SGK3: variants seen among roughly 807,000 people sequenced by gnomAD.
SGK3 encodes serine/threonine-protein kinase Sgk3.
Under a neutral mutation model 68.5 loss-of-function variants are expected in SGK3, and 47 were observed. That is an observed-to-expected ratio of 0.69 (90% CI 0.54 to 0.87). The LOEUF (loss-of-function observed/expected upper bound fraction) is 0.87, where lower values mean the gene tolerates loss of function less well. Among genes scored for constraint, SGK3 ranks in the 40% least tolerant of loss-of-function variants. The pLI is 0.00. For synonymous variants in SGK3, 181 were observed against 189.1 expected, an observed-to-expected ratio of 0.96 and a Z score of 0.35; for missense variants, 479 against 575.5, an observed-to-expected ratio of 0.83 and a Z score of 1.72.
chr8:66,821,304 T>C (rs1338156681), intron 5 of SGK3, among the ~76,000 whole-genome samples: 2 of 152,092 alleles, frequency 1.3e-5, no homozygotes, highest in Non-Finnish European at 2.9e-5. Flanking sequence ...ACTGATGCTT[T>C]ATGTCTATGA....
chr8:66,860,820 A>G lies in SGK3; in HGVS notation c.*1239A>G, dbSNP rs1240509550. On this transcript the variant is annotated 3_prime_UTR_variant, in exon 17 of 17. Transcript: ENST00000521198. ...TTGAGCTTTCTAGAATATTTGCCTAATTGGGAATTAAAAAGTAAAATAATA... is the reference window on the plus strand; with the variant it reads ...TTGAGCTTTCTAGAATATTTGCCTAGTTGGGAATTAAAAAGTAAAATAATA... 1.3e-5 allele frequency: 2 copies of G among 152,198 alleles called. No individual in the cohort carries two copies. Among genetic ancestry groups the G allele is most frequent in the Non-Finnish European group, 2.9e-5 (2 of 68,040 alleles). The allele number at this position is 152,198 out of a possible 1,614,324, so 9.4% of individuals were successfully genotyped here. A position where few individuals can be genotyped will look rare whatever the true frequency, so the allele number is the denominator to read the frequency against.
intron 16 of SGK3, 86 bp downstream of exon 16, chr8:66,851,006 C>T: frequency 3.6e-6 from 5 of 1,382,454 alleles, no homozygotes; most frequent in Non-Finnish European, 4.9e-6. Flanking sequence ...CTCAGAATCA[C>T]CTGAATTAAA....
chr8:66,793,978 A>C (rs1414882261), intron 2 of SGK3, 146 bp downstream of exon 2: 2 of 843,654 alleles, frequency 2.4e-6, no homozygotes, highest in East Asian at 5.8e-5. Context: ...GTTCTCCACA[A>C]AGTCTTCTGT....
chr8:66,830,892 A>G (rs1331610590), intron 7 of SGK3, among the ~76,000 whole-genome samples: 8 of 152,194 alleles, frequency 5.3e-5, no homozygotes, highest in Non-Finnish European at 1.0e-4. Flanking sequence ...AATTTCCTCA[A>G]CAACATTGGA....
intron 8 of SGK3, 75 bp from the exon 9 acceptor site, chr8:66,835,688 A>C (rs1463372231): frequency 1.4e-6 from 2 of 1,452,184 alleles, no homozygotes; most frequent in Non-Finnish European, 9.3e-7. Context: ...AGAAGTATTG[A>C]TGTGTTGACA....
At chr8:66,759,222 A>AACAGAGTGAGACTCTCT (rs1806080787) in intron 1 of SGK3, among the ~76,000 whole-genome samples, 3 of 151,250 alleles carry the variant, frequency 2.0e-5, no homozygotes, top group African/African-American at 7.3e-5. Flanking sequence ...AGTAGCTGGG[A>AACAGAGTGAGACTCTCT]CTACAGGTGT....
chr8:66,759,966 C>T (rs1250951108), intron 1 of SGK3, among the ~76,000 whole-genome samples: 2 of 152,110 alleles, frequency 1.3e-5, no homozygotes, highest in East Asian at 1.9e-4. Context: ...TCTCAAGATC[C>T]TTTTTGTTGG....
At chr8:66,833,684 T>G (rs2130703375) in intron 8 of SGK3, among the ~76,000 whole-genome samples, 1 of 152,322 alleles carries the variant, frequency 6.6e-6, no homozygotes, top group Non-Finnish European at 1.5e-5. Flanking sequence ...TACTATTTTG[T>G]GGTATTCTGT....
intron 1 of SGK3, among the ~76,000 whole-genome samples, chr8:66,754,963 A>G (rs371585327): frequency 1.1e-4 from 17 of 152,358 alleles, no homozygotes; most frequent in South Asian, 1.0e-3. Context: ...TCAGCTGTTT[A>G]ACAACAGCAA....
At chr8:66,784,449 A>T (rs980795903) in intron 1 of SGK3, among the ~76,000 whole-genome samples, 2 of 152,176 alleles carry the variant, frequency 1.3e-5, no homozygotes, top group African/African-American at 4.8e-5. Flanking sequence ...AGTGATACTT[A>T]TGAGTGTATC....
At chr8:66,847,083 G>A in intron 14 of SGK3, 110 bp from the exon 15 acceptor site, 1 of 1,463,806 alleles carries the variant, frequency 6.8e-7, no homozygotes, top group Non-Finnish European at 9.1e-7. Context: ...CGTCCCAAGA[G>A]GTCCATACAT....
intron 5 of SGK3, among the ~76,000 whole-genome samples, chr8:66,820,313 CT>C (rs1235980600): frequency 1.1e-4 from 17 of 151,502 alleles, no homozygotes; most frequent in African/African-American, 2.7e-4. Context: ...TACTAGGTGA[CT>C]TTTTTTTTGC....
intron 1 of SGK3, among the ~76,000 whole-genome samples, chr8:66,715,894 C>G (rs1244561498): frequency 6.6e-6 from 1 of 152,036 alleles, no homozygotes; most frequent in Non-Finnish European, 1.5e-5. Context: ...AGTAAGAAAC[C>G]CTTAATGAAG....
rs181942372 is a variant in SGK3, at chr8:66,795,086, C to A, written c.96+1254C>A. On this transcript the variant is annotated intron_variant, in intron 2 of 16. Coordinates refer to ENST00000521198, the MANE Select transcript of SGK3 (RefSeq NM_001033578.3). ...GCCTCTAAAAAGGGGGTTACCTGGT[C>A]ACTGCCAGTTGAGTCCCATGACAGG... is the stretch of plus-strand genomic sequence containing the variant. Among the ~76,000 whole-genome samples the A allele has an allele frequency of 2.4e-4, 36 of 152,340 alleles. 1 individual carries two copies. The East Asian group carries it at 6.9e-3, about 29-fold the overall frequency.
At position 66,859,489 on chromosome 8, in the gene SGK3, G is replaced by A. The variant is rs1447930528; in HGVS notation, c.1399G>A (p.Asp467Asn). 1 of 1,613,706 alleles carries A rather than the reference G, an allele frequency of 6.2e-7. No homozygotes were observed. Among genetic ancestry groups the A allele is most frequent in the African/African-American group, 1.3e-5 (1 of 75,046 alleles). ...TCCATATTCTGTGTGTGTATCTTCT[G>A]ACTATTCTATAGTGAATGCCAGTGT... The part of the protein sequence containing the change: ...TVPYSVCVSS[D>N]YSIVNASVLE... Residue 467 changes from aspartate (D) to asparagine (N), a missense_variant, in exon 17 of 17, where the codon GAC (aspartate) becomes AAC (asparagine). Coordinates refer to ENST00000521198, the MANE Select transcript of SGK3 (RefSeq NM_001033578.3).
chr8:66,819,150 A>G (rs1313210523), intron 5 of SGK3, among the ~76,000 whole-genome samples: 4 of 152,216 alleles, frequency 2.6e-5, no homozygotes, highest in Non-Finnish European at 1.5e-5. Context: ...ACTGTAAGCA[A>G]TACTGAGTAC....
rs780718609 is a variant in SGK3 at position 66,793,690 on chromosome 8, T to C, written c.-47T>C. On this transcript the variant is annotated 5_prime_UTR_variant, in exon 2 of 17. Transcript: ENST00000521198. ...TTAGTTAATTGGGTTTGTCCTCTGCTGACTGTTTCTTCGGATGCATTTTTT... is the reference window on the plus strand; with the variant it reads ...TTAGTTAATTGGGTTTGTCCTCTGCCGACTGTTTCTTCGGATGCATTTTTT... 6.3e-7 allele frequency: 1 copy of C among 1,586,066 alleles called. No individual in the cohort carries two copies. The highest frequency in any genetic ancestry group is 1.1e-5 in the South Asian group (1 of 87,662).
intron 1 of SGK3, among the ~76,000 whole-genome samples, chr8:66,747,934 T>C (rs1805698583): frequency 6.6e-6 from 1 of 152,256 alleles, no homozygotes; most frequent in African/African-American, 2.4e-5. Context: ...GCGTTAGTGT[T>C]GGACAGGCCT....
chr8:66,846,152 TG>T (rs1264021906), intron 14 of SGK3, among the ~76,000 whole-genome samples: 1 of 152,178 alleles, frequency 6.6e-6, no homozygotes, highest in East Asian at 1.9e-4. Context: ...ATTCCCTCTT[TG>T]GAAAAATGTT....
Sources: gnomAD v4.1 joint callset for allele counts (sites outside exome capture counted in the v4.1 genomes callset) on GRCh38, gnomAD v4.1.1 for gene constraint, MANE v1.5 for transcripts, NCBI Gene and HGNC (gene_info 2026-07-23, HGNC 2026-07-21) for gene names.